Variants in MECOM observed in about 807,000 individuals in gnomAD.
MECOM encodes MDS1 and EVI1 complex locus.
A neutral mutation model predicts 116.3 loss-of-function variants in MECOM; 13 were observed. That is an observed-to-expected ratio of 0.11 (90% CI 0.07 to 0.18). The LOEUF (loss-of-function observed/expected upper bound fraction) is 0.18, where lower values mean the gene tolerates loss of function less well. Among genes scored for constraint, MECOM ranks in the 10% least tolerant of loss-of-function variants. The probability of loss-of-function intolerance (pLI) is 1.00; values close to 1 mark genes in which losing one functional copy is unlikely to be tolerated. For missense variants in MECOM, 1,299 were observed against 1,509.0 expected (o/e 0.86, Z 2.31); for synonymous variants, 528 against 535.2 (o/e 0.99, Z 0.19).
intron 1 of MECOM, chr3:169,624,091 T>G (rs1417844293): frequency 6.6e-6 from 1 of 152,238 alleles, no homozygotes; most frequent in Non-Finnish European, 1.5e-5. Context: ...ATCAAAGTCA[T>G]TCTGGTCAGT....
chr3:169,168,254 G>C (rs920440659), intron 2 of MECOM, among the ~76,000 whole-genome samples: 3 of 149,658 alleles, frequency 2.0e-5, no homozygotes, highest in African/African-American at 7.3e-5. Context: ...TCGCTTAGTT[G>C]CTCAGGCTGG....
At chr3:169,269,602 A>G (rs1263172228) in intron 2 of MECOM, among the ~76,000 whole-genome samples, 1 of 152,214 alleles carries the variant, frequency 6.6e-6, no homozygotes, top group African/African-American at 2.4e-5. Flanking sequence ...ATCTTGCCAA[A>G]TTAAAACATG....
chr3:169,594,174 A>AACC (rs1553894681), intron 1 of MECOM, among the ~76,000 whole-genome samples: 3 of 125,934 alleles, frequency 2.4e-5, no homozygotes, highest in African/African-American at 9.7e-5. Context: ...AAAAAAAAAA[A>AACC]AACACCTTTT....
At chr3:169,651,737 T>G (rs560631188) in intron 1 of MECOM, among the ~76,000 whole-genome samples, 1 of 152,064 alleles carries the variant, frequency 6.6e-6, no homozygotes, top group South Asian at 2.1e-4. Flanking sequence ...ACTAAAAAAT[T>G]TACTCATGTA....
At chr3:169,134,994 T>C (rs1051312377) in intron 3 of MECOM, among the ~76,000 whole-genome samples, 3 of 152,172 alleles carry the variant, frequency 2.0e-5, no homozygotes, top group Non-Finnish European at 4.4e-5. Flanking sequence ...GAGTGATTTA[T>C]ATAGATTTTC....
chr3:169,184,331 A>G (rs897152777), intron 2 of MECOM, among the ~76,000 whole-genome samples: 1 of 152,184 alleles, frequency 6.6e-6, no homozygotes, highest in Admixed American at 6.5e-5. Flanking sequence ...AAATGAACAT[A>G]AACAAAGACA....
chr3:169,490,091 T>A (rs142258606), intron 1 of MECOM, among the ~76,000 whole-genome samples: 382 of 152,216 alleles, frequency 2.5e-3, no homozygotes, highest in Non-Finnish European at 4.2e-3. Flanking sequence ...CCAATAAACA[T>A]GAAAATATGA....
At chr3:169,561,606 T>C (rs1343038) in intron 1 of MECOM, among the ~76,000 whole-genome samples, 33,492 of 152,024 alleles carry the variant, frequency 0.22, 4,707 homozygotes, top group East Asian at 0.7. Context: ...AAACACCAAA[T>C]TCACGATAAT....
intron 1 of MECOM, among the ~76,000 whole-genome samples, chr3:169,473,427 C>T (rs1280814570): frequency 6.6e-6 from 1 of 152,192 alleles, no homozygotes; most frequent in Non-Finnish European, 1.5e-5. Context: ...ATTAAGAAGT[C>T]ACTACTTTCT....
At chr3:169,183,761 T>TACAC (rs71166249) in intron 2 of MECOM, among the ~76,000 whole-genome samples, 66 of 118,758 alleles carry the variant, frequency 5.6e-4, no homozygotes, top group African/African-American at 7.3e-4. Context: ...GATACATACA[T>TACAC]ACACACACAC....
chr3:169,540,737 C>G (rs1759963252), intron 1 of MECOM, among the ~76,000 whole-genome samples: 1 of 152,194 alleles, frequency 6.6e-6, no homozygotes, highest in Non-Finnish European at 1.5e-5. Flanking sequence ...GAAATCTCAT[C>G]ATTTTCTGCA....
chr3:169,400,551 T>C (rs936606745), intron 1 of MECOM, among the ~76,000 whole-genome samples: 2 of 152,164 alleles, frequency 1.3e-5, no homozygotes, highest in African/African-American at 4.8e-5. Context: ...GTTTTCTATA[T>C]ATATACAGTG....
intron 1 of MECOM, among the ~76,000 whole-genome samples, chr3:169,604,591 A>G (rs1405645980): frequency 6.6e-6 from 1 of 152,196 alleles, no homozygotes; most frequent in Non-Finnish European, 1.5e-5. Flanking sequence ...CTGAAGACAC[A>G]GGGAGCCCAG....
chr3:169,648,444 C>T (rs1774451417), intron 1 of MECOM, among the ~76,000 whole-genome samples: 1 of 152,232 alleles, frequency 6.6e-6, no homozygotes. Context: ...TACAATGCTG[C>T]TTCATGGGTC....
intron 1 of MECOM, among the ~76,000 whole-genome samples, chr3:169,451,694 A>G (rs1366600713): frequency 2.0e-5 from 3 of 152,168 alleles, no homozygotes; most frequent in Non-Finnish European, 4.4e-5. Flanking sequence ...TCTTTAGTGT[A>G]TTATACCATT....
rs1776596386 is a variant in MECOM, at chr3:169,663,479, T to TCTCC, written c.-108_-107insGGAG. ...GCTCCCTCCCTCTCTCTCCTGTCTC[T>TCTCC]CTCTCTCTCTCTCTCTCTCTCTCTC... On this transcript the variant is annotated 5_prime_UTR_variant, in exon 1 of 17. Transcript: ENST00000651503. 2 of 38,756 alleles carry TCTCC rather than the reference T, an allele frequency of 5.2e-5. No individual in the cohort carries two copies. Among genetic ancestry groups the TCTCC allele is most frequent in the Non-Finnish European group, 9.8e-5 (2 of 20,476 alleles). The allele number at this position is 38,756 out of a possible 1,614,324, so 2.4% of individuals were successfully genotyped here.
chr3:169,273,717 T>C (rs893575778), intron 2 of MECOM, among the ~76,000 whole-genome samples: 1 of 152,026 alleles, frequency 6.6e-6, no homozygotes. Flanking sequence ...CTGGGTAGAA[T>C]CGTTGCTCAT....
intron 3 of MECOM, among the ~76,000 whole-genome samples, chr3:169,138,589 T>C (rs1040400263): frequency 3.3e-5 from 5 of 152,130 alleles, no homozygotes; most frequent in Admixed American, 1.3e-4. Context: ...AACTTTGGTA[T>C]AAAAGTGGAA....
At chr3:169,091,640 C>T (rs1174752599) in intron 14 of MECOM, among the ~76,000 whole-genome samples, 1 of 152,048 alleles carries the variant, frequency 6.6e-6, no homozygotes, top group Non-Finnish European at 1.5e-5. Flanking sequence ...GACACGCACA[C>T]ACACACACAA....
Sources: allele counts gnomAD v4.1 joint callset (sites outside exome capture counted in the v4.1 genomes callset), GRCh38; gene constraint gnomAD v4.1.1; transcripts MANE v1.5; gene names NCBI Gene and HGNC (gene_info 2026-07-23, HGNC 2026-07-21).